The following MCMBP variants were observed in gnomAD, a reference collection of about 807,000 sequenced individuals.
The protein encoded by MCMBP is mini-chromosome maintenance complex-binding protein.
MCMBP carries 31 observed loss-of-function variants against 81.3 expected under a neutral mutation model. That is an observed-to-expected ratio of 0.38 (90% CI 0.29 to 0.51). The LOEUF (loss-of-function observed/expected upper bound fraction) is 0.51, where lower values mean the gene tolerates loss of function less well. Ranked by LOEUF, MCMBP falls within the 20% of genes least tolerant of loss-of-function variation. The probability of loss-of-function intolerance (pLI) is 0.87; values close to 1 mark genes in which losing one functional copy is unlikely to be tolerated. For missense variants in MCMBP, 645 were observed against 772.1 expected (o/e 0.84, Z 1.95); for synonymous variants, 267 against 275.9 (o/e 0.97, Z 0.32).
chr10:119,840,796 T>C lies in MCMBP; in HGVS notation c.1242+47A>G, dbSNP rs1852404830. The C allele has an allele frequency of 5.4e-6, 6 of 1,113,330 alleles. No homozygotes were observed. In the East Asian group the frequency reaches 1.3e-4, roughly 25 times the overall value. 69.0% of individuals were successfully genotyped at this position (1,113,330 alleles called of 1,614,324 possible). A position where few individuals can be genotyped will look rare whatever the true frequency, so the allele number is the denominator to read the frequency against. On this transcript the variant is annotated intron_variant, in intron 11 of 15. Transcript: ENST00000369077. ...GTGAATGAAAGACAGTTAGATGGAT[T>C]TTTTAAGTGTGCTTAGGTTTATAAT...
At chr10:119,871,720 T>C (rs1014177519) in intron 1 of MCMBP, among the ~76,000 whole-genome samples, 4 of 152,236 alleles carry the variant, frequency 2.6e-5, no homozygotes, top group Non-Finnish European at 5.9e-5. Flanking sequence ...GATTTCTAGC[T>C]GGATCTGACT....
In MCMBP at chr10:119,842,614, C is replaced by T; in HGVS notation, c.1001-19G>A. ...GAAACAACTGAAGGAGAAAGGAAGA[C>T]CTGAGTCAGGACACACACTCCAGTT... is the stretch of plus-strand genomic sequence containing the variant. On this transcript the variant is annotated intron_variant, in intron 9 of 15. Transcript: ENST00000369077. 6.2e-7 allele frequency: 1 copy of T among 1,609,198 alleles called. No individual in the cohort carries two copies. Among genetic ancestry groups the T allele is most frequent in the Middle Eastern group, 1.7e-4 (1 of 6,020 alleles).
chr10:119,832,258 G>C (rs934431395), intron 14 of MCMBP, among the ~76,000 whole-genome samples, 158 bp from the exon 15 acceptor site: 7 of 152,136 alleles, frequency 4.6e-5, no homozygotes, highest in Non-Finnish European at 1.0e-4. Flanking sequence ...TAATGCTGCT[G>C]ATGAAAATAA....
chr10:119,846,455 G>A (rs544137234), intron 8 of MCMBP, among the ~76,000 whole-genome samples: 19 of 152,282 alleles, frequency 1.2e-4, no homozygotes, highest in African/African-American at 3.6e-4. Context: ...ATCAATGAAT[G>A]CTAAAATAAA....
intron 5 of MCMBP, among the ~76,000 whole-genome samples, chr10:119,857,021 G>T (rs1853071319): frequency 6.8e-6 from 1 of 146,114 alleles, no homozygotes; most frequent in Non-Finnish European, 1.5e-5. Flanking sequence ...GACTGCTTGA[G>T]CCCAGGAGGT....
At chr10:119,872,273 C>T (rs1463199398) in intron 1 of MCMBP, among the ~76,000 whole-genome samples, 3 of 152,044 alleles carry the variant, frequency 2.0e-5, no homozygotes, top group African/African-American at 7.2e-5. Context: ...GCCCGCGCCC[C>T]ACGACTTCAC....
Position 119,854,713 on chromosome 10 carries a change from T to C in MCMBP, c.430-1519A>G, listed in dbSNP as rs189497133. ...GGCTTATGCCTGTAATCCCAGCACT[T>C]TGGGAGGCTAAGGTGGGTGGATCAC... On this transcript the variant is annotated intron_variant, in intron 5 of 15. Transcript: ENST00000369077. 8.4e-3 allele frequency among the ~76,000 whole-genome samples: 1,276 copies of C among 151,916 alleles called. 14 individuals carry two copies. The highest frequency in any genetic ancestry group is 0.029 in the African/African-American group (1,189 of 41,444).
chr10:119,865,963 C>T (rs1853435775), intron 1 of MCMBP, among the ~76,000 whole-genome samples: 1 of 151,990 alleles, frequency 6.6e-6, no homozygotes, highest in African/African-American at 2.4e-5. Flanking sequence ...TAATACATGC[C>T]TGTAGTCCCA....
At chr10:119,872,289 C>T (rs757783092) in intron 1 of MCMBP, among the ~76,000 whole-genome samples, 33 of 152,094 alleles carry the variant, frequency 2.2e-4, no homozygotes, top group Admixed American at 1.3e-3. Flanking sequence ...TTCACCTTGG[C>T]GGCTCCCAAG....
At chr10:119,834,849 G>A (rs867306834) in intron 14 of MCMBP, among the ~76,000 whole-genome samples, 3 of 108,094 alleles carry the variant, frequency 2.8e-5, no homozygotes, top group South Asian at 3.1e-4. Flanking sequence ...ATGACACAGC[G>A]AGACCCTGTC....
chr10:119,843,789 G>T (rs1286536696), intron 8 of MCMBP, among the ~76,000 whole-genome samples: 1 of 152,084 alleles, frequency 6.6e-6, no homozygotes, highest in East Asian at 1.9e-4. Context: ...AGCCTCCTGA[G>T]TAGCTGAGAT....
In MCMBP at chr10:119,837,020, T is replaced by C. The variant is rs373903927; in HGVS notation, c.1418A>G (p.Asn473Ser). The change falls in exon 13 of 16, where the codon AAT (asparagine) becomes AGT (serine). Residue 473 changes from asparagine to serine, a missense_variant. Coordinates refer to ENST00000369077, the MANE Select transcript of MCMBP (RefSeq NM_001256378.2). ...TATGAGGTTGCTCAGGGCTGTCACA[T>C]TATGAACACCTACAAAGGCAGGAAA... ...QGQLDTPGVH[N>S]VTALSNLITW... 6.2e-7 allele frequency: 1 copy of C among 1,613,148 alleles called. No homozygotes were observed. Among genetic ancestry groups the C allele is most frequent in the Non-Finnish European group, 8.5e-7 (1 of 1,179,612 alleles).
At chr10:119,870,970 T>G (rs1853650035) in intron 1 of MCMBP, among the ~76,000 whole-genome samples, 1 of 152,204 alleles carries the variant, frequency 6.6e-6, no homozygotes, top group Admixed American at 6.5e-5. Flanking sequence ...ATGTGTCCCT[T>G]AGGATCATAC....
intron 14 of MCMBP, among the ~76,000 whole-genome samples, chr10:119,834,861 CAAAAAAAAA>C (rs71019725): frequency 1.5e-4 from 10 of 67,284 alleles, no homozygotes; most frequent in Non-Finnish European, 2.3e-4. Context: ...GACCCTGTCT[CAAAAAAAAA>C]AAAAAAAAAA....
chr10:119,873,551 C>A (rs1853791592), upstream of MCMBP: 1 of 152,200 alleles, frequency 6.6e-6, no homozygotes, highest in South Asian at 2.1e-4. Context: ...TCCTGCACTG[C>A]GCGCCGCTAG....
Position 119,853,277 on chromosome 10 carries a change from A to G in MCMBP, c.430-83T>C. 4.3e-6 allele frequency: 6 copies of G among 1,407,404 alleles called. No homozygotes were observed. The Admixed American group carries it at 6.6e-5, about 15-fold the overall frequency. 87.2% of individuals were successfully genotyped at this position (1,407,404 alleles called of 1,614,324 possible). On this transcript the variant is annotated intron_variant, in intron 5 of 15. Transcript: ENST00000369077. The stretch of plus-strand genomic sequence containing the variant: ...CTAATTATATGACTTATAAAAAATT[A>G]CTAGTTTGGCAATTCAGTTAAAATA...
intron 1 of MCMBP, among the ~76,000 whole-genome samples, chr10:119,872,190 T>A (rs538215336): frequency 6.6e-6 from 1 of 152,224 alleles, no homozygotes; most frequent in African/African-American, 2.4e-5. Flanking sequence ...CCGAGTTTGC[T>A]GCGCCCGGGG....
chr10:119,862,039 G>A (rs1358362808), intron 1 of MCMBP, among the ~76,000 whole-genome samples: 1 of 152,184 alleles, frequency 6.6e-6, no homozygotes, highest in Non-Finnish European at 1.5e-5. Context: ...GGGTGCGGTG[G>A]CTCACACCTG....
Position 119,838,704 on chromosome 10 carries a change from C to T in MCMBP, c.1243-4G>A, listed in dbSNP as rs1239441705. The T allele has an allele frequency of 1.9e-6, 3 of 1,587,416 alleles. No individual in the cohort carries two copies. Among genetic ancestry groups the T allele is most frequent in the Admixed American group, 3.4e-5 (2 of 58,790 alleles). ...TAGTCATCTGCAGACGAAAAGACTG[C>T]AAAGAGAAATTTTTTAGTGAACAAG... On this transcript the variant is annotated splice_region_variant and splice_polypyrimidine_tract_variant and intron_variant, in intron 11 of 15. Transcript: ENST00000369077.
Sources: gnomAD v4.1 joint callset for allele counts (sites outside exome capture counted in the v4.1 genomes callset) on GRCh38, gnomAD v4.1.1 for gene constraint, MANE v1.5 for transcripts, NCBI Gene and HGNC (gene_info 2026-07-23, HGNC 2026-07-21) for gene names.